RBFOX3: variants seen among roughly 807,000 people sequenced by gnomAD.
The protein encoded by RBFOX3 is RNA binding fox-1 homolog 3.
Under a neutral mutation model 48.7 loss-of-function variants are expected in RBFOX3, and 17 were observed. That is an observed-to-expected ratio of 0.35 (90% CI 0.24 to 0.52). The LOEUF is 0.52. Ranked by LOEUF, RBFOX3 falls within the 20% of genes least tolerant of loss-of-function variation. RBFOX3 has a pLI of 0.94. For synonymous variants in RBFOX3, 212 were observed against 209.5 expected (o/e 1.01, Z -0.10); for missense variants, 382 against 497.5 (o/e 0.77, Z 2.21).
At chr17:79,296,121 C>A (rs1600480387) in intron 3 of RBFOX3, among the ~76,000 whole-genome samples, 5 of 152,264 alleles carry the variant, frequency 3.3e-5, no homozygotes, top group East Asian at 1.9e-4. Flanking sequence ...AATATCAATT[C>A]ATTTTGCAGG....
At chr17:79,101,246 G>T (rs566672993) in intron 9 of RBFOX3, among the ~76,000 whole-genome samples, 22 of 152,154 alleles carry the variant, frequency 1.4e-4, no homozygotes, top group Non-Finnish European at 2.8e-4. Flanking sequence ...TGGCCCTGGG[G>T]GAAAGTCAGT....
intron 1 of RBFOX3, among the ~76,000 whole-genome samples, chr17:79,495,720 G>C (rs2081415654): frequency 7.0e-6 from 1 of 142,240 alleles, no homozygotes; most frequent in Admixed American, 7.0e-5. Context: ...CAGGGGTGCA[G>C]ATGGAGGGAG....
At chr17:79,511,102 G>A (rs994553300) in intron 1 of RBFOX3, among the ~76,000 whole-genome samples, 4 of 152,288 alleles carry the variant, frequency 2.6e-5, no homozygotes, top group Admixed American at 2.0e-4. Flanking sequence ...CATCCACGCA[G>A]GGGCACCAAG....
At chr17:79,200,382 G>A (rs1282167627) in intron 4 of RBFOX3, among the ~76,000 whole-genome samples, 1 of 152,230 alleles carries the variant, frequency 6.6e-6, no homozygotes, top group African/African-American at 2.4e-5. Context: ...CAGCAGGCAG[G>A]GGGGCCACCA....
At chr17:79,526,978 C>T (rs1207739470) in intron 1 of RBFOX3, among the ~76,000 whole-genome samples, 1 of 152,212 alleles carries the variant, frequency 6.6e-6, no homozygotes, top group Non-Finnish European at 1.5e-5. Flanking sequence ...GGAAGACTCA[C>T]AAGTCACCTG....
intron 1 of RBFOX3, among the ~76,000 whole-genome samples, chr17:79,503,013 C>T (rs1345928644): frequency 6.6e-6 from 1 of 152,200 alleles, no homozygotes; most frequent in Non-Finnish European, 1.5e-5. Flanking sequence ...GGCTGGGAGT[C>T]CGAGATCAGG....
In RBFOX3 at chr17:79,477,359, A is replaced by T. The variant is rs1239564046; in HGVS notation, c.-175+5095T>A. ...ATCACGAGGTCAGGAGATCGAGATC[A>T]TCCTGGCTAACACGGTGAAACCCCG... On this transcript the variant is annotated intron_variant, in intron 2 of 14. Transcript: ENST00000693108. This position sits in a 1 kb window ranked among gnomAD's most constrained non-coding sequence, Gnocchi z 4.8. Among the ~76,000 whole-genome samples the T allele has an allele frequency of 6.6e-6, 1 of 151,420 alleles. No individual in the cohort carries two copies. Among genetic ancestry groups the T allele is most frequent in the East Asian group, 1.9e-4 (1 of 5,168 alleles).
At chr17:79,184,999 G>A (rs944017441) in intron 4 of RBFOX3, among the ~76,000 whole-genome samples, 1 of 152,212 alleles carries the variant, frequency 6.6e-6, no homozygotes, top group African/African-American at 2.4e-5. Context: ...AGGAAGGGAG[G>A]GAGAGAAGGG....
rs765608900 is a variant in RBFOX3 at position 79,363,889 on chromosome 17, T to G, written c.-174-56065A>C. Among the ~76,000 whole-genome samples, 5 of 151,654 alleles carry G rather than the reference T, an allele frequency of 3.3e-5. No homozygotes were observed. The highest frequency in any genetic ancestry group is 5.9e-5 in the Non-Finnish European group (4 of 67,912). ...ACGACGGGCTCCTGCAGCCCCTAAC[T>G]CTCCCCACCTCGTCCCCCTCACCCA... is the stretch of plus-strand genomic sequence containing the variant. On this transcript the variant is annotated intron_variant, in intron 2 of 14. Coordinates refer to ENST00000693108, the MANE Select transcript of RBFOX3 (RefSeq NM_001350451.2). This position sits in a 1 kb window ranked among gnomAD's most constrained non-coding sequence, Gnocchi z 4.7.
intron 1 of RBFOX3, among the ~76,000 whole-genome samples, chr17:79,561,033 C>T (rs2092180307): frequency 6.6e-6 from 1 of 152,138 alleles, no homozygotes; most frequent in Admixed American, 6.5e-5. Flanking sequence ...GGGCGCCTGG[C>T]CTCTCCCACA....
At chr17:79,656,801 AG>A in the RBFOX3 span, among the ~76,000 whole-genome samples, 1 of 3,492 alleles carries the variant, frequency 2.9e-4, no homozygotes, top group Non-Finnish European at 2.0e-3. Flanking sequence ...AAAGAAAGAA[AG>A]AAAGAAAAGA....
intron 1 of RBFOX3, among the ~76,000 whole-genome samples, chr17:79,542,461 C>T (rs2089853066): frequency 6.6e-6 from 1 of 152,186 alleles, no homozygotes; most frequent in South Asian, 2.1e-4. Flanking sequence ...TTAGACCAGT[C>T]TGTCTGATAG....
chr17:79,538,692 A>T (rs1469735968), intron 1 of RBFOX3, among the ~76,000 whole-genome samples: 1 of 152,210 alleles, frequency 6.6e-6, no homozygotes, highest in Non-Finnish European at 1.5e-5. Flanking sequence ...TCAGGATGAG[A>T]TCGGCAGGAA....
At position 79,421,012 on chromosome 17, in the gene RBFOX3, G is replaced by A. The variant is rs921922608; in HGVS notation, c.-175+61442C>T. ...GCCCAGGGGCTTCCCTGCTGAGTGA[G>A]CCTCCCCTGGTGGGTTGAGGGGCTT... On this transcript the variant is annotated intron_variant, in intron 2 of 14. Transcript: ENST00000693108. The surrounding 1 kb of genome is among the most constrained non-coding windows in gnomAD (Gnocchi z 4.5). 1.7e-4 allele frequency among the ~76,000 whole-genome samples: 26 copies of A among 152,026 alleles called. No individual in the cohort carries two copies. Among genetic ancestry groups the A allele is most frequent in the African/African-American group, 6.3e-4 (26 of 41,404 alleles).
intron 3 of RBFOX3, among the ~76,000 whole-genome samples, chr17:79,277,306 G>GGGT (rs3073182): frequency 0.47 from 68,755 of 145,454 alleles, 17,176 homozygotes; most frequent in East Asian, 0.66. Flanking sequence ...GGTGGGGAGG[G>GGGT]GGGGGGTAGT....
At chr17:79,496,811 T>C (rs1329213880) in intron 1 of RBFOX3, among the ~76,000 whole-genome samples, 2 of 152,162 alleles carry the variant, frequency 1.3e-5, no homozygotes, top group African/African-American at 4.8e-5. Flanking sequence ...GTTCACGAGA[T>C]TGTCACGTGA....
rs1555724044 is a variant in RBFOX3, at chr17:79,423,724, A to G, written c.-175+58730T>C. 1.3e-5 allele frequency: 2 copies of G among 153,606 alleles called. No homozygotes were observed. The highest frequency in any genetic ancestry group is 2.9e-5 in the Non-Finnish European group (2 of 68,024). 9.5% of individuals were successfully genotyped at this position (153,606 alleles called of 1,614,324 possible). A position where few individuals can be genotyped will look rare whatever the true frequency, so the allele number is the denominator to read the frequency against. ...ATACATACTTGTTCAAGGAACGGAC[A>G]AGGAACAAGCCCAGTGGAGTCGCTG... is the stretch of plus-strand genomic sequence containing the variant. On this transcript the variant is annotated intron_variant, in intron 2 of 14. Coordinates refer to ENST00000693108, the MANE Select transcript of RBFOX3 (RefSeq NM_001350451.2). The surrounding 1 kb of genome is among the most constrained non-coding windows in gnomAD (Gnocchi z 4.9).
At chr17:79,194,448 A>G (rs1012079733) in intron 4 of RBFOX3, among the ~76,000 whole-genome samples, 3 of 152,024 alleles carry the variant, frequency 2.0e-5, no homozygotes, top group Admixed American at 2.0e-4. Flanking sequence ...CTCTACTAAA[A>G]ATACAAAAAT....
At chr17:79,097,271 T>A in intron 11 of RBFOX3, 21 bp downstream of exon 11, 1 of 1,232,444 alleles carries the variant, frequency 8.1e-7, no homozygotes. Context: ...CCTCCACGCC[T>A]CCCCCGGCCC....
Sources: gnomAD v4.1 joint callset for allele counts (sites outside exome capture counted in the v4.1 genomes callset) on GRCh38, gnomAD v4.1.1 for gene constraint, Gnocchi (gnomAD v3.1) non-coding constraint, MANE v1.5 for transcripts, NCBI Gene and HGNC (gene_info 2026-07-23, HGNC 2026-07-21) for gene names.